SEMA6A: variants seen among roughly 807,000 people sequenced by gnomAD.
The protein encoded by SEMA6A is semaphorin 6A, also known as semaphorin-6A.
A neutral mutation model predicts 96.8 loss-of-function variants in SEMA6A; 25 were observed. The ratio of observed to expected loss-of-function variants is 0.26; its 90% confidence interval spans 0.19 to 0.36. The LOEUF (loss-of-function observed/expected upper bound fraction) is 0.36, where lower values mean the gene tolerates loss of function less well. Ranked by LOEUF, SEMA6A falls within the 10% of genes least tolerant of loss-of-function variation. The pLI, the probability that SEMA6A is intolerant of heterozygous loss-of-function variation, is 1.00. For synonymous variants in SEMA6A, 612 were observed against 518.0 expected, an observed-to-expected ratio of 1.18 and a Z score of -2.46; for missense variants, 1,363 against 1,323.1, an observed-to-expected ratio of 1.03 and a Z score of -0.47.
rs34096390 is a variant in SEMA6A, at chr5:116,491,810, G to A, written c.465C>T (p.Phe155=). Residue 155 remains phenylalanine (F), a synonymous_variant, in exon 7 of 19, where the codon TTC becomes TTT. Transcript: ENST00000343348. ...RNYKMDTLEP[F]GDEFSGMARC... ...TGGCCATTCCGCTGAATTCATCCCCGAATGGTTCCAATGTATCCATCTAAA... is the reference window on the plus strand; with the variant it reads ...TGGCCATTCCGCTGAATTCATCCCCAAATGGTTCCAATGTATCCATCTAAA... The A allele has an allele frequency of 5.3e-3, 8,595 of 1,612,994 alleles. 341 individuals are homozygous for A. The African/African-American group carries it at 0.095, about 18-fold the overall frequency.
intron 1 of SEMA6A, among the ~76,000 whole-genome samples, chr5:116,552,034 T>G (rs1760436142): frequency 6.6e-6 from 1 of 152,092 alleles, no homozygotes; most frequent in Admixed American, 6.6e-5. Flanking sequence ...GAAGAAATGG[T>G]GACAAAGGAA....
At chr5:116,542,655 A>T (rs996944099) in intron 1 of SEMA6A, among the ~76,000 whole-genome samples, 1 of 152,226 alleles carries the variant, frequency 6.6e-6, no homozygotes, top group Non-Finnish European at 1.5e-5. Context: ...GATTTCTTTG[A>T]CAGTGAAGTT....
At chr5:116,514,019 A>G (rs7722842) in intron 1 of SEMA6A, among the ~76,000 whole-genome samples, 129 of 152,162 alleles carry the variant, frequency 8.5e-4, no homozygotes, top group African/African-American at 3.0e-3. Flanking sequence ...TTCTTTATCT[A>G]GTCTATCACT....
chr5:116,540,869 C>G (rs531851821), intron 1 of SEMA6A, among the ~76,000 whole-genome samples: 8 of 152,250 alleles, frequency 5.3e-5, no homozygotes, highest in Non-Finnish European at 1.0e-4. Context: ...TAGTATATTT[C>G]TACATGGCTG....
chr5:116,480,138 G>A lies in SEMA6A; in HGVS notation c.1234C>T (p.Leu412=). ...GACACCCACCTGACCATTGTTCTCAGGAACCATGGCCTGTTGAAGATGGAG... is the reference window on the plus strand; with the variant it reads ...GACACCCACCTGACCATTGTTCTCAAGAACCATGGCCTGTTGAAGATGGAG... ...VPSIFNRPWF[L]RTMVRYRLTK... is the part of the protein sequence containing the mutation. The change falls in exon 12 of 19, where the codon CTG becomes TTG. Residue 412 remains leucine (L), a synonymous_variant. Coordinates refer to ENST00000343348, the MANE Select transcript of SEMA6A (RefSeq NM_020796.5). The A allele has an allele frequency of 1.9e-6, 3 of 1,613,776 alleles. No individual in the cohort carries two copies. The highest frequency in any genetic ancestry group is 2.5e-6 in the Non-Finnish European group (3 of 1,179,756).
intron 11 of SEMA6A, among the ~76,000 whole-genome samples, chr5:116,480,974 G>T (rs892208718): frequency 6.6e-6 from 1 of 152,130 alleles, no homozygotes; most frequent in Non-Finnish European, 1.5e-5. Context: ...TCAGATTAGG[G>T]AAACACTGAA....
Position 116,492,116 on chromosome 5 carries a change from C to T in SEMA6A, c.445-286G>A, listed in dbSNP as rs566862766. On this transcript the variant is annotated intron_variant, in intron 6 of 18. Coordinates refer to ENST00000343348, the MANE Select transcript of SEMA6A (RefSeq NM_020796.5). ...TCCTTTTCAGATATTTTATACCAAC[C>T]AAGAGCTTTTTGTTGAACTCTGACA... is the stretch of plus-strand genomic sequence containing the variant. Among the ~76,000 whole-genome samples the T allele has an allele frequency of 7.2e-5, 11 of 152,188 alleles. No individual in the cohort carries two copies. In the South Asian group the frequency reaches 2.3e-3, roughly 32 times the overall value.
At position 116,514,107 on chromosome 5, in the gene SEMA6A, G is replaced by C. The variant is rs6883820; in HGVS notation, c.-38-9125C>G. ...CTGCACTGAACATATACGTGCATGT[G>C]TCTTTATATCAGAACAATTTATATT... On this transcript the variant is annotated intron_variant, in intron 1 of 18. Coordinates refer to ENST00000343348, the MANE Select transcript of SEMA6A (RefSeq NM_020796.5). 5.5e-3 allele frequency among the ~76,000 whole-genome samples: 834 copies of C among 152,244 alleles called. 14 individuals carry two copies. The highest frequency in any genetic ancestry group is 0.019 in the African/African-American group (794 of 41,530).
chr5:116,499,222 G>T (rs1338730337), intron 3 of SEMA6A: 1 of 152,154 alleles, frequency 6.6e-6, no homozygotes, highest in Non-Finnish European at 1.5e-5. Flanking sequence ...AATAAAAATG[G>T]TGCTTTATGG....
At chr5:116,481,725 G>A (rs368831132) in intron 11 of SEMA6A, among the ~76,000 whole-genome samples, 8 of 152,116 alleles carry the variant, frequency 5.3e-5, no homozygotes, top group Admixed American at 2.0e-4. Context: ...AGAGAGGCAC[G>A]CAAAGGGCTT....
At chr5:116,569,307 C>T (rs115377874) in intron 1 of SEMA6A, among the ~76,000 whole-genome samples, 3 of 152,178 alleles carry the variant, frequency 2.0e-5, no homozygotes, top group Non-Finnish European at 4.4e-5. Context: ...AGAACCATCC[C>T]AAGGCATGAA....
intron 1 of SEMA6A, among the ~76,000 whole-genome samples, chr5:116,518,046 A>C (rs908128064): frequency 3.5e-4 from 53 of 152,306 alleles, no homozygotes; most frequent in African/African-American, 1.3e-3. Flanking sequence ...ACCTGCCTTT[A>C]ATTTTCAAAT....
At chr5:116,458,669 C>T (rs1212447396) in intron 18 of SEMA6A, among the ~76,000 whole-genome samples, 3 of 152,010 alleles carry the variant, frequency 2.0e-5, no homozygotes, top group Admixed American at 6.6e-5. Context: ...AACTCAAATA[C>T]GGGTGTGCAA....
intron 1 of SEMA6A, among the ~76,000 whole-genome samples, chr5:116,509,537 T>G (rs1036020372): frequency 1.5e-4 from 23 of 152,202 alleles, no homozygotes; most frequent in African/African-American, 5.3e-4. Flanking sequence ...GTCTATAAGA[T>G]TCCTCCGGCT....
intron 10 of SEMA6A, among the ~76,000 whole-genome samples, chr5:116,484,080 A>G (rs998032534): frequency 1.3e-5 from 2 of 151,716 alleles, no homozygotes; most frequent in African/African-American, 4.8e-5. Flanking sequence ...AAAAAAAAAA[A>G]AAAAAAGACA....
chr5:116,449,559 G>C (rs1014289395), intron 18 of SEMA6A: 14 of 541,296 alleles, frequency 2.6e-5, no homozygotes, highest in Admixed American at 2.1e-4. Flanking sequence ...TTTGATTTCT[G>C]AAGTGATGGT....
chr5:116,454,088 G>A (rs1754829962), intron 18 of SEMA6A, among the ~76,000 whole-genome samples: 1 of 152,118 alleles, frequency 6.6e-6, no homozygotes, highest in African/African-American at 2.4e-5. Context: ...GTGATATGAT[G>A]GATGTGTCTG....
At chr5:116,518,901 G>A (rs917491984) in intron 1 of SEMA6A, among the ~76,000 whole-genome samples, 8 of 151,862 alleles carry the variant, frequency 5.3e-5, no homozygotes, top group Admixed American at 1.3e-4. Context: ...GATTCCCCAC[G>A]TTCACTTTGA....
chr5:116,487,151 T>C, intron 9 of SEMA6A, 185 bp from the exon 10 acceptor site: 1 of 571,338 alleles, frequency 1.8e-6, no homozygotes, highest in South Asian at 2.1e-5. Context: ...TAGAGTAGCA[T>C]GTTTTAAAAG....
Sources: gnomAD v4.1 joint callset for allele counts (sites outside exome capture counted in the v4.1 genomes callset) on GRCh38, gnomAD v4.1.1 for gene constraint, MANE v1.5 for transcripts, NCBI Gene and HGNC (gene_info 2026-07-23, HGNC 2026-07-21) for gene names.